NKAIN3: variants seen among roughly 807,000 people sequenced by gnomAD.
NKAIN3 encodes sodium/potassium-transporting ATPase subunit beta-1-interacting protein 3.
A neutral mutation model predicts 30.2 loss-of-function variants in NKAIN3; 25 were observed. That is an observed-to-expected ratio of 0.83 (90% CI 0.60 to 1.16). The LOEUF is 1.16. Ranked by LOEUF, NKAIN3 falls within the 50% of genes most tolerant of loss-of-function variation. The pLI, the probability that NKAIN3 is intolerant of heterozygous loss-of-function variation, is 0.00. For synonymous variants in NKAIN3, 91 were observed against 89.6 expected, an observed-to-expected ratio of 1.02 and a Z score of -0.09; for missense variants, 225 against 254.1, an observed-to-expected ratio of 0.89 and a Z score of 0.78.
chr8:62,553,602 T>A (rs1299284599), intron 1 of NKAIN3, among the ~76,000 whole-genome samples: 2 of 151,606 alleles, frequency 1.3e-5, no homozygotes, highest in African/African-American at 2.4e-5. Flanking sequence ...AGTGGCGCGA[T>A]CTCGGCTCAC....
At chr8:62,800,838 G>A (rs907267186) in intron 4 of NKAIN3, among the ~76,000 whole-genome samples, 10 of 152,222 alleles carry the variant, frequency 6.6e-5, no homozygotes, top group African/African-American at 9.6e-5. Context: ...GAAGTGCAAG[G>A]GGTCAGGGAG....
intron 1 of NKAIN3, among the ~76,000 whole-genome samples, chr8:62,423,734 G>T (rs1804718399): frequency 6.6e-6 from 1 of 151,758 alleles, no homozygotes; most frequent in Admixed American, 6.6e-5. Context: ...AATTATCATG[G>T]CCCCTTCTCT....
intron 6 of NKAIN3, among the ~76,000 whole-genome samples, chr8:62,964,535 AGAGTGTGTGTGT>A (rs1258787192): frequency 4.0e-5 from 4 of 100,104 alleles, no homozygotes; most frequent in East Asian, 3.4e-4. Context: ...AGAGAGAGAG[AGAGTGTGTGTGT>A]GTGTGTGTGT....
At position 62,981,499 on chromosome 8, in the gene NKAIN3, A is replaced by G. The variant is rs542070620; in HGVS notation, c.*16092A>G. On this transcript the variant is annotated 3_prime_UTR_variant, in exon 7 of 7. Transcript: ENST00000623646. ...GGAATTAATATCCACATCAGTTCCT[A>G]AAGCAAAATGCCTGACACAGACTAA... The G allele has an allele frequency of 2.6e-5, 4 of 152,310 alleles. No individual in the cohort carries two copies. Among genetic ancestry groups the G allele is most frequent in the Admixed American group, 1.3e-4 (2 of 15,284 alleles). 9.4% of individuals were successfully genotyped at this position (152,310 alleles called of 1,614,324 possible).
intron 1 of NKAIN3, among the ~76,000 whole-genome samples, chr8:62,286,284 A>G (rs1813377051): frequency 6.6e-6 from 1 of 152,194 alleles, no homozygotes; most frequent in African/African-American, 2.4e-5. Flanking sequence ...CTTGAAAGAA[A>G]AGGAATACAA....
chr8:62,894,453 T>A (rs1821376669), intron 4 of NKAIN3, among the ~76,000 whole-genome samples: 1 of 152,178 alleles, frequency 6.6e-6, no homozygotes. Context: ...TTGTTTGTGT[T>A]TTGTTGTTAT....
At chr8:62,408,320 C>A (rs1349043766) in intron 1 of NKAIN3, among the ~76,000 whole-genome samples, 1 of 151,856 alleles carries the variant, frequency 6.6e-6, no homozygotes, top group Non-Finnish European at 1.5e-5. Flanking sequence ...CATCTAGGGC[C>A]AATAGTTGTA....
chr8:62,448,614 C>G lies in NKAIN3; in HGVS notation c.55-130925C>G, dbSNP rs897222455. On this transcript the variant is annotated intron_variant, in intron 1 of 6. Transcript: ENST00000623646. Reference sequence around the variant, plus strand: ...ACAGTTTGCTTTATTCTGTTAACATCAGATATTCTAAAGGGTATTTTTGAA... The same window carrying G: ...ACAGTTTGCTTTATTCTGTTAACATGAGATATTCTAAAGGGTATTTTTGAA... Among the ~76,000 whole-genome samples the G allele has an allele frequency of 2.0e-5, 3 of 151,682 alleles. 1 individual carries two copies. Among genetic ancestry groups the G allele is most frequent in the Admixed American group, 2.0e-4 (3 of 15,194 alleles).
chr8:62,321,000 A>G (rs190201895), intron 1 of NKAIN3, among the ~76,000 whole-genome samples: 73 of 152,244 alleles, frequency 4.8e-4, no homozygotes, highest in Non-Finnish European at 8.4e-4. Flanking sequence ...CTTTTTACAT[A>G]GTCCCATATT....
chr8:62,446,835 T>C (rs1805501061), intron 1 of NKAIN3, among the ~76,000 whole-genome samples: 1 of 152,130 alleles, frequency 6.6e-6, no homozygotes, highest in African/African-American at 2.4e-5. Context: ...TGTATATGTA[T>C]CACTTTTGGT....
At chr8:62,329,637 A>G (rs1815272102) in intron 1 of NKAIN3, among the ~76,000 whole-genome samples, 1 of 152,106 alleles carries the variant, frequency 6.6e-6, no homozygotes, top group Non-Finnish European at 1.5e-5. Flanking sequence ...AATAGCCTCC[A>G]GCTCCATCAG....
At position 62,661,709 on chromosome 8, in the gene NKAIN3, T is replaced by C. The variant is rs1812951298; in HGVS notation, c.273+71915T>C. On this transcript the variant is annotated intron_variant, in intron 3 of 6. Coordinates refer to ENST00000623646, the MANE Select transcript of NKAIN3 (RefSeq NM_001304533.3). ...AGGGTCCCATGTCTCATATAAGGGC[T>C]TGGGCTCGTGTCCCCTGCACTACCT... 2.0e-5 allele frequency among the ~76,000 whole-genome samples: 3 copies of C among 152,192 alleles called. No individual in the cohort carries two copies. In the South Asian group the frequency reaches 6.2e-4, roughly 32 times the overall value.
At chr8:62,747,836 A>G (rs1374068091) in intron 4 of NKAIN3, among the ~76,000 whole-genome samples, 2 of 152,188 alleles carry the variant, frequency 1.3e-5, no homozygotes, top group African/African-American at 2.4e-5. Flanking sequence ...TCAATATCCA[A>G]TAAAGCCATT....
At chr8:62,896,326 AC>A (rs1821428528) in intron 4 of NKAIN3, among the ~76,000 whole-genome samples, 1 of 151,992 alleles carries the variant, frequency 6.6e-6, no homozygotes, top group Non-Finnish European at 1.5e-5. Context: ...CAAAAGCATC[AC>A]CTCCTAATAC....
intron 1 of NKAIN3, among the ~76,000 whole-genome samples, chr8:62,533,529 G>T (rs1808553651): frequency 1.3e-5 from 2 of 152,162 alleles, no homozygotes; most frequent in African/African-American, 2.4e-5. Context: ...GCTTGGACCA[G>T]GAGAATCATC....
chr8:62,276,631 T>C (rs1370461366), intron 1 of NKAIN3, among the ~76,000 whole-genome samples: 1 of 152,188 alleles, frequency 6.6e-6, no homozygotes, highest in Non-Finnish European at 1.5e-5. Flanking sequence ...TAAAATTAGG[T>C]TGGCAAATTT....
chr8:62,345,508 T>C lies in NKAIN3; in HGVS notation c.54+96381T>C, dbSNP rs1292772170. On this transcript the variant is annotated intron_variant, in intron 1 of 6. Transcript: ENST00000623646. ...GTATATATACACACATATATACACATATATACACATATATGTATATATACA... is the reference window on the plus strand; with the variant it reads ...GTATATATACACACATATATACACACATATACACATATATGTATATATACA... 4.3e-4 allele frequency among the ~76,000 whole-genome samples: 18 copies of C among 42,042 alleles called. 1 individual carries two copies. Among genetic ancestry groups the C allele is most frequent in the African/African-American group, 1.1e-3 (14 of 12,776 alleles). The allele number at this position is 42,042 out of a possible 152,430, so 27.6% of individuals were successfully genotyped here. A position where few individuals can be genotyped will look rare whatever the true frequency, so the allele number is the denominator to read the frequency against.
Position 62,795,877 on chromosome 8 carries a change from T to G in NKAIN3, c.471+48748T>G, listed in dbSNP as rs1817845676. Reference sequence around the variant, plus strand: ...TGTATTAATCACATTTTCAAATATGTGTATGCATGTGTGTATGTATGAAAT... The same window carrying G: ...TGTATTAATCACATTTTCAAATATGGGTATGCATGTGTGTATGTATGAAAT... On this transcript the variant is annotated intron_variant, in intron 4 of 6. Transcript: ENST00000623646. 2.0e-5 allele frequency among the ~76,000 whole-genome samples: 3 copies of G among 152,152 alleles called. No homozygotes were observed. In the South Asian group the frequency reaches 6.2e-4, roughly 32 times the overall value.
intron 3 of NKAIN3, among the ~76,000 whole-genome samples, chr8:62,698,896 T>C (rs527984807): frequency 3.9e-4 from 59 of 152,300 alleles, no homozygotes; most frequent in African/African-American, 1.3e-3. Flanking sequence ...ATAAGCACTA[T>C]TGAGGTAGCG....
Sources: allele counts gnomAD v4.1 joint callset (sites outside exome capture counted in the v4.1 genomes callset), GRCh38; gene constraint gnomAD v4.1.1; transcripts MANE v1.5; gene names NCBI Gene and HGNC (gene_info 2026-07-23, HGNC 2026-07-21).